EHMT2: variants seen among roughly 807,000 people sequenced by gnomAD.
EHMT2 encodes the protein histone-lysine N-methyltransferase EHMT2.
A neutral mutation model predicts 143.3 loss-of-function variants in EHMT2; 59 were observed. The observed-to-expected ratio is 0.41, with a 90% CI of 0.33 to 0.51. The LOEUF is 0.51. Ranked by LOEUF, EHMT2 falls within the 20% of genes least tolerant of loss-of-function variation. The probability of loss-of-function intolerance (pLI) is 0.18; values close to 1 mark genes in which losing one functional copy is unlikely to be tolerated. For missense variants in EHMT2, 1,174 were observed against 1,645.9 expected (o/e 0.71, Z 4.96); for synonymous variants, 604 against 651.5 (o/e 0.93, Z 1.11).
In EHMT2 at chr6:31,889,367, T is replaced by C. The variant is rs951240652; in HGVS notation, c.1000-25A>G. The C allele has an allele frequency of 6.2e-7, 1 of 1,610,376 alleles. No individual in the cohort carries two copies. Among genetic ancestry groups the C allele is most frequent in the East Asian group, 2.2e-5 (1 of 44,856 alleles). On this transcript the variant is annotated intron_variant, in intron 8 of 27. Coordinates refer to ENST00000375537, the Ensembl canonical transcript of EHMT2. This position sits in a 1 kb window ranked among gnomAD's most constrained non-coding sequence, Gnocchi z 5.1. ...TCTGGGAAGGGGGAGGAGGAGGAGT[T>C]AGGAACCCTCACCCCCAGGGGCCCC... is the stretch of plus-strand genomic sequence containing the variant.
In EHMT2 at chr6:31,888,069, G is replaced by A; in HGVS notation, c.1717C>T (p.Pro573Ser). ...GGCTGAGAAGTGTCTGCTCTCCCGG[G>A]GACATCCTGGGACAGGGGTGGGGGT... The change falls in exon 13 of 28, where the codon CCC (proline) becomes TCC (serine). Residue 573 changes from proline to serine, a missense_variant. Transcript: ENST00000375537. The surrounding 1 kb of genome is among the most constrained non-coding windows in gnomAD (Gnocchi z 7.4). The A allele has an allele frequency of 6.3e-7, 1 of 1,599,760 alleles. No homozygotes were observed. Among genetic ancestry groups the A allele is most frequent in the East Asian group, 2.2e-5 (1 of 44,458 alleles).
chr6:31,892,459 C>T, exon 7 of EHMT2: 1 of 1,613,022 alleles, frequency 6.2e-7, no homozygotes, highest in Non-Finnish European at 8.5e-7. Context: ...ATAGTAGAGA[C>T]TGAAGTCATC....
chr6:31,897,278 A>T, intron 1 of EHMT2: 3 of 752,662 alleles, frequency 4.0e-6, no homozygotes, highest in South Asian at 1.5e-4. Context: ...TCCCGGCTGC[A>T]CGCGCCGCTC....
chr6:31,896,984 C>A, exon 2 of EHMT2: 1 of 1,571,488 alleles, frequency 6.4e-7, no homozygotes, highest in South Asian at 1.2e-5. Context: ...CAGCGGGGGC[C>A]TCCCCCTGGG....
chr6:31,886,039 A>T (rs1335141825), intron 18 of EHMT2: 4 of 152,702 alleles, frequency 2.6e-5, no homozygotes, highest in Non-Finnish European at 5.8e-5. Context: ...GTAAGCTGTG[A>T]TCACGCCATT....
intron 25 of EHMT2, among the ~76,000 whole-genome samples, chr6:31,882,119 A>T (rs1270082761): frequency 2.7e-5 from 3 of 110,528 alleles, no homozygotes; most frequent in African/African-American, 1.1e-4. Flanking sequence ...AAATAAATTA[A>T]AAAAAAAAAA....
rs1391313070 is a variant in EHMT2 at position 31,880,850 on chromosome 6, T to G, written c.3277-2A>C. The G allele has an allele frequency of 6.2e-7, 1 of 1,613,546 alleles. No homozygotes were observed. Among genetic ancestry groups the G allele is most frequent in the African/African-American group, 1.3e-5 (1 of 74,988 alleles). On this transcript the variant is annotated splice_acceptor_variant, in intron 26 of 27. Transcript: ENST00000375537. LOFTEE classifies it high-confidence loss of function. This position sits in a 1 kb window ranked among gnomAD's most constrained non-coding sequence, Gnocchi z 6.6. ...ATCTATGCAGTACACCTCTCCATCC[T>G]GGGGCAGGGGGATGGCACTCTTCAC...
At chr6:31,896,445 T>C (rs762419555) in exon 4 of EHMT2, 9 of 1,612,938 alleles carry the variant, frequency 5.6e-6, no homozygotes, top group South Asian at 4.4e-5. Context: ...GCCCCTGTCA[T>C]TGACATCTTG....
At position 31,888,563 on chromosome 6, in the gene EHMT2, C is replaced by T. The variant is rs201301636; in HGVS notation, c.1365+36G>A. 2.1e-4 allele frequency: 332 copies of T among 1,609,152 alleles called. No individual in the cohort carries two copies. The East Asian group carries it at 2.9e-3, about 14-fold the overall frequency. On this transcript the variant is annotated intron_variant, in intron 11 of 27. Transcript: ENST00000375537. The surrounding 1 kb of genome is among the most constrained non-coding windows in gnomAD (Gnocchi z 7.4). ...CGTGAGGCTGGGGCCGGGGACTGGA[C>T]GCCCTGGCACCTCTCCCACCAGCCC... is the stretch of plus-strand genomic sequence containing the variant.
At position 31,883,965 on chromosome 6, in the gene EHMT2, A is replaced by T; in HGVS notation, c.2772-15T>A. On this transcript the variant is annotated splice_polypyrimidine_tract_variant and intron_variant, in intron 21 of 27. Transcript: ENST00000375537. The surrounding 1 kb of genome is among the most constrained non-coding windows in gnomAD (Gnocchi z 5.6). Reference sequence around the variant, plus strand: ...GAGCCACGTCCCTGCAGAAGACGGGAAGAAGGGGCTGGGAAGCTGGAAAAG... The same window carrying T: ...GAGCCACGTCCCTGCAGAAGACGGGTAGAAGGGGCTGGGAAGCTGGAAAAG... The T allele has an allele frequency of 6.2e-7, 1 of 1,612,394 alleles. No individual in the cohort carries two copies. The highest frequency in any genetic ancestry group is 8.5e-7 in the Non-Finnish European group (1 of 1,178,896).
In EHMT2 at chr6:31,889,017, C is replaced by T. The variant is rs2151629551; in HGVS notation, c.1168G>A (p.Gly390Arg). Residue 390 changes from glycine (G) to arginine (R), a missense_variant, in exon 10 of 28, where the codon GGG becomes AGG. Gly to Arg is a moderately radical substitution (Grantham distance 125). Transcript: ENST00000375537. The surrounding 1 kb of genome is among the most constrained non-coding windows in gnomAD (Gnocchi z 5.1). ...CCCTCGCTGGGCAGCTCCAGGGACC[C>T]CAGAGGGACCTCCATGTACTCACTG... is the stretch of plus-strand genomic sequence containing the variant. 6.2e-7 allele frequency: 1 copy of T among 1,602,188 alleles called. No individual in the cohort carries two copies. Among genetic ancestry groups the T allele is most frequent in the African/African-American group, 1.3e-5 (1 of 74,704 alleles).
In EHMT2 at chr6:31,887,679, G is replaced by T. The variant is rs1160440581; in HGVS notation, c.1929-20C>A. The T allele has an allele frequency of 6.2e-7, 1 of 1,611,992 alleles. No individual in the cohort carries two copies. Among genetic ancestry groups the T allele is most frequent in the African/African-American group, 1.3e-5 (1 of 74,940 alleles). ...TTCCGCCTGCCAAGGGAGCACGGGA[G>T]CGGGGAGAGAAGGGGAGCTCCTCAG... On this transcript the variant is annotated intron_variant, in intron 14 of 27. Transcript: ENST00000375537.
At chr6:31,891,931 G>A (rs1021979427) in intron 7 of EHMT2, among the ~76,000 whole-genome samples, 1 of 151,906 alleles carries the variant, frequency 6.6e-6, no homozygotes, top group Non-Finnish European at 1.5e-5. Flanking sequence ...TGGATGAAAC[G>A]GGCAGAATAC....
intron 4 of EHMT2, among the ~76,000 whole-genome samples, chr6:31,893,981 T>C (rs1766031837): frequency 6.6e-6 from 1 of 152,106 alleles, no homozygotes; most frequent in African/African-American, 2.4e-5. Flanking sequence ...TTTTATTTTA[T>C]TTTTAAATTT....
rs761649419 is a variant in EHMT2, at chr6:31,889,352, GGGA to G, written c.1000-13_1000-11del. The stretch of plus-strand genomic sequence containing the variant: ...GGCCACTGGAACCACTCTGGGAAGG[GGGA>G]GGAGGAGGAGTTAGGAACCCTCACC... On this transcript the variant is annotated splice_polypyrimidine_tract_variant and intron_variant, in intron 8 of 27. Transcript: ENST00000375537. This position sits in a 1 kb window ranked among gnomAD's most constrained non-coding sequence, Gnocchi z 5.1. 2.4e-5 allele frequency: 38 copies of G among 1,611,220 alleles called. No individual in the cohort carries two copies. In the African/African-American group the frequency reaches 3.1e-4, roughly 13 times the overall value.
Position 31,883,341 on chromosome 6 carries a change from G to A in EHMT2, c.2994+21C>T, listed in dbSNP as rs1375181514. ...CTGAAGGAGGGGCCGGGTGTCTGTG[G>A]CCAAGGCAAGGGGCACGCACCTTGT... On this transcript the variant is annotated intron_variant, in intron 23 of 27. Transcript: ENST00000375537. This position sits in a 1 kb window ranked among gnomAD's most constrained non-coding sequence, Gnocchi z 5.6. 5.6e-6 allele frequency: 9 copies of A among 1,612,030 alleles called. No individual in the cohort carries two copies. The highest frequency in any genetic ancestry group is 7.6e-6 in the Non-Finnish European group (9 of 1,179,472).
chr6:31,892,804 G>A (rs760762337), intron 5 of EHMT2, 22 bp downstream of exon 5: 17 of 1,611,076 alleles, frequency 1.1e-5, no homozygotes, highest in African/African-American at 5.3e-5. Flanking sequence ...TCAAGCCACC[G>A]GGGGTGGGGG....
chr6:31,887,496 T>G, intron 15 of EHMT2, 81 bp downstream of exon 15: 1 of 1,276,368 alleles, frequency 7.8e-7, no homozygotes, highest in Non-Finnish European at 1.1e-6. Context: ...CCTTCACGAC[T>G]GTACTCCTGG....
intron 4 of EHMT2, chr6:31,895,366 T>C (rs962194391): frequency 1.3e-5 from 2 of 152,180 alleles, no homozygotes; most frequent in Non-Finnish European, 2.9e-5. Flanking sequence ...TTCTTCAATC[T>C]TTTAAAAAAT....
Sources: gnomAD v4.1 joint callset for allele counts (sites outside exome capture counted in the v4.1 genomes callset) on GRCh38, gnomAD v4.1.1 for gene constraint, Gnocchi (gnomAD v3.1) non-coding constraint, MANE v1.5 for transcripts, NCBI Gene and HGNC (gene_info 2026-07-23, HGNC 2026-07-21) for gene names.